Variants in MCPH1 observed in about 807,000 individuals in gnomAD.
MCPH1 encodes the protein microcephalin.
MCPH1 carries 104 observed loss-of-function variants against 84.5 expected under a neutral mutation model. The observed-to-expected ratio is 1.23, with a 90% CI of 1.05 to 1.45. The LOEUF is 1.45. Ranked by LOEUF, MCPH1 falls within the 40% of genes most tolerant of loss-of-function variation. The pLI is 0.00. For missense variants in MCPH1, 1,498 were observed against 1,005.7 expected, an observed-to-expected ratio of 1.49 and a Z score of -6.62; for synonymous variants, 514 against 366.8, an observed-to-expected ratio of 1.40 and a Z score of -4.58.
chr8:6,539,599 T>C (rs1340124501), intron 12 of MCPH1, among the ~76,000 whole-genome samples: 1 of 152,224 alleles, frequency 6.6e-6, no homozygotes, highest in African/African-American at 2.4e-5. Context: ...TTATTGTCTT[T>C]TTTTTGAGAT....
At chr8:6,558,018 T>A (rs1473005076) in intron 12 of MCPH1, among the ~76,000 whole-genome samples, 1 of 152,192 alleles carries the variant, frequency 6.6e-6, no homozygotes, top group Non-Finnish European at 1.5e-5. Context: ...TCTCTGTCTC[T>A]CCTGCCCCTG....
chr8:6,524,340 A>C (rs1027986243), intron 12 of MCPH1, among the ~76,000 whole-genome samples: 2 of 152,330 alleles, frequency 1.3e-5, no homozygotes, highest in African/African-American at 4.8e-5. Context: ...AGCTGGTGAA[A>C]TATTCTATAC....
intron 7 of MCPH1, 119 bp from the exon 8 acceptor site, chr8:6,444,274 T>C: frequency 1.7e-6 from 2 of 1,154,578 alleles, no homozygotes; most frequent in Admixed American, 2.1e-5. Context: ...TCAAGTGTGG[T>C]TAATAGTCTT....
intron 12 of MCPH1, among the ~76,000 whole-genome samples, chr8:6,600,601 A>C (rs577580437): frequency 6.6e-6 from 1 of 152,354 alleles, no homozygotes; most frequent in African/African-American, 2.4e-5. Flanking sequence ...TGGGGCAGGG[A>C]CTTTACAATA....
At chr8:6,628,331 C>T (rs563415598) in intron 13 of MCPH1, among the ~76,000 whole-genome samples, 1 of 151,784 alleles carries the variant, frequency 6.6e-6, no homozygotes, top group African/African-American at 2.4e-5. Flanking sequence ...ATTAGCCGGT[C>T]GTGGTGGCAG....
intron 2 of MCPH1, among the ~76,000 whole-genome samples, chr8:6,410,033 G>C (rs1213399910): frequency 6.6e-6 from 1 of 151,896 alleles, no homozygotes; most frequent in African/African-American, 2.4e-5. Flanking sequence ...GCAGTGACGC[G>C]ATCTCAGCTC....
intron 12 of MCPH1, among the ~76,000 whole-genome samples, chr8:6,610,802 T>G (rs1424734049): frequency 6.6e-6 from 1 of 152,064 alleles, no homozygotes; most frequent in Non-Finnish European, 1.5e-5. Flanking sequence ...GCCCATTTCC[T>G]TAAAACTAAG....
chr8:6,440,159 A>G (rs1281256065), intron 6 of MCPH1, among the ~76,000 whole-genome samples: 2 of 152,140 alleles, frequency 1.3e-5, no homozygotes, highest in African/African-American at 4.8e-5. Context: ...TTGAAAATCT[A>G]TTGGTGGGTA....
chr8:6,476,003 G>A (rs148505906), intron 9 of MCPH1, among the ~76,000 whole-genome samples: 9 of 152,242 alleles, frequency 5.9e-5, no homozygotes, highest in Non-Finnish European at 1.2e-4. Context: ...CCCTGTTTCT[G>A]GTATGAGAAG....
In MCPH1 at chr8:6,442,095, T is replaced by G; in HGVS notation, c.609T>G (p.Asp203Glu). The G allele has an allele frequency of 2.5e-6, 4 of 1,613,582 alleles. No homozygotes were observed. Among genetic ancestry groups the G allele is most frequent in the Non-Finnish European group, 3.4e-6 (4 of 1,179,514 alleles). ...TSSQMIQQSH[D>E]NPSNSLCEAP... ...CCCAAATGATTCAGCAGTCTCATGA[T>G]AATCCAAGTAACTCTCTGTGTGAAG... Residue 203 changes from aspartate to glutamate, a missense_variant, in exon 7 of 14, where the codon GAT becomes GAG. Coordinates refer to ENST00000344683, the MANE Select transcript of MCPH1 (RefSeq NM_024596.5).
At chr8:6,597,707 G>A (rs1157806489) in intron 12 of MCPH1, among the ~76,000 whole-genome samples, 1 of 152,112 alleles carries the variant, frequency 6.6e-6, no homozygotes, top group African/African-American at 2.4e-5. Flanking sequence ...TTCGTCTCTG[G>A]GAACATTTCC....
intron 9 of MCPH1, among the ~76,000 whole-genome samples, chr8:6,456,654 T>G (rs1805711997): frequency 7.4e-6 from 1 of 135,086 alleles, no homozygotes; most frequent in Admixed American, 7.0e-5. Context: ...GTACCATGTC[T>G]GGCTTTTTTT....
intron 1 of MCPH1, among the ~76,000 whole-genome samples, chr8:6,407,467 A>G (rs1484601805): frequency 6.6e-6 from 1 of 152,092 alleles, no homozygotes; most frequent in Non-Finnish European, 1.5e-5. Flanking sequence ...AGTATATGAT[A>G]CCGCACGCAG....
intron 12 of MCPH1, among the ~76,000 whole-genome samples, chr8:6,517,523 G>C (rs2515435): frequency 0.41 from 61,763 of 152,076 alleles, 12,803 homozygotes; most frequent in Middle Eastern, 0.52. Flanking sequence ...AGGAAAAGAT[G>C]TGCTCAAAGA....
At chr8:6,424,718 C>T (rs1450607255) in intron 3 of MCPH1, among the ~76,000 whole-genome samples, 2 of 152,222 alleles carry the variant, frequency 1.3e-5, no homozygotes, top group East Asian at 3.8e-4. Context: ...CTGCTGGGCT[C>T]TAGGTTCCTC....
chr8:6,480,978 G>A (rs2129559833), intron 11 of MCPH1, 102 bp downstream of exon 11: 2 of 1,339,744 alleles, frequency 1.5e-6, no homozygotes, highest in South Asian at 2.4e-5. Flanking sequence ...GTGCACCCTT[G>A]TGGATCTGCA....
intron 3 of MCPH1, among the ~76,000 whole-genome samples, chr8:6,418,248 A>T (rs1483625002): frequency 6.6e-6 from 1 of 152,124 alleles, no homozygotes; most frequent in African/African-American, 2.4e-5. Context: ...GCGCCACACC[A>T]GCTCCCTCAG....
chr8:6,554,473 T>C (rs1824237789), intron 12 of MCPH1, among the ~76,000 whole-genome samples: 1 of 152,194 alleles, frequency 6.6e-6, no homozygotes, highest in Non-Finnish European at 1.5e-5. Context: ...CCAAGATTTC[T>C]ATATCTTAGT....
At chr8:6,636,141 C>G (rs1485625667) in intron 13 of MCPH1, among the ~76,000 whole-genome samples, 1 of 152,156 alleles carries the variant, frequency 6.6e-6, no homozygotes, top group African/African-American at 2.4e-5. Flanking sequence ...GAGTTCAACA[C>G]CAGCCTGGCC....
Sources: allele counts gnomAD v4.1 joint callset (sites outside exome capture counted in the v4.1 genomes callset), GRCh38; gene constraint gnomAD v4.1.1; transcripts MANE v1.5; gene names NCBI Gene and HGNC (gene_info 2026-07-23, HGNC 2026-07-21).